The following DLG4 variants were observed in gnomAD, a reference collection of about 807,000 sequenced individuals.
DLG4 encodes the protein disks large homolog 4.
DLG4 carries 7 observed loss-of-function variants against 93.8 expected under a neutral mutation model. That is an observed-to-expected ratio of 0.07 (90% CI 0.04 to 0.14). The LOEUF is 0.14. Ranked by LOEUF, DLG4 falls within the 10% of genes least tolerant of loss-of-function variation. DLG4 has a pLI of 1.00. For synonymous variants in DLG4, 341 were observed against 387.6 expected (o/e 0.88, Z 1.41); for missense variants, 545 against 992.9 (o/e 0.55, Z 6.06).
chr17:7,208,057 G>A lies in DLG4; in HGVS notation c.96+117C>T. On this transcript the variant is annotated intron_variant, in intron 2 of 19. Coordinates refer to ENST00000399506, the MANE Select transcript of DLG4 (RefSeq NM_001321075.3). The surrounding 1 kb of genome is among the most constrained non-coding windows in gnomAD (Gnocchi z 5.4). The stretch of plus-strand genomic sequence containing the variant: ...CTCCGAGGGCCGCACTGGGGAGGGG[G>A]CCACCAGGGTCTCCTACCTTGAAGG... 1.5e-6 allele frequency: 2 copies of A among 1,303,368 alleles called. No homozygotes were observed. 80.7% of individuals were successfully genotyped at this position (1,303,368 alleles called of 1,614,324 possible).
upstream of DLG4, chr17:7,218,551 C>T: frequency 1.3e-6 from 2 of 1,560,956 alleles, no homozygotes; most frequent in Non-Finnish European, 8.7e-7. Context: ...CCAGCAAGGC[C>T]TGGAAGAGGT....
chr17:7,214,445 C>T (rs2070824130), intron 1 of DLG4, among the ~76,000 whole-genome samples: 1 of 152,188 alleles, frequency 6.6e-6, no homozygotes, highest in Admixed American at 6.5e-5. Context: ...CCACTTCCCG[C>T]CCGTTCGCTC....
In DLG4 at chr17:7,217,622, A is replaced by G; in HGVS notation, c.-475T>C. The stretch of plus-strand genomic sequence containing the variant: ...TGGAGCCGAAGAGGGAAGGGGAGAG[A>G]GGAGGAGAGAGGAAGCAGGGGGAGG... On this transcript the variant is annotated 5_prime_UTR_variant, in exon 1 of 20. Coordinates refer to ENST00000399506, the MANE Select transcript of DLG4 (RefSeq NM_001321075.3). 1 of 1,223,376 alleles carries G rather than the reference A, an allele frequency of 8.2e-7. No individual in the cohort carries two copies. The highest frequency in any genetic ancestry group is 1.1e-6 in the Non-Finnish European group (1 of 937,666). 75.8% of individuals were successfully genotyped at this position (1,223,376 alleles called of 1,614,324 possible).
In DLG4 at chr17:7,193,533, T is replaced by C; in HGVS notation, c.1643A>G (p.Asn548Ser). Residue 548 changes from asparagine to serine, a missense_variant, in exon 16 of 20, where the codon AAC becomes AGC. Asn to Ser is a conservative substitution (Grantham distance 46, BLOSUM62 1). Transcript: ENST00000399506. The surrounding 1 kb of genome is among the most constrained non-coding windows in gnomAD (Gnocchi z 6.7). ...IILGPTKDRANDDLLSEFPDK... is the reference protein window; with the variant it reads ...IILGPTKDRASDDLLSEFPDK... ...GGGGAACTCGGAGAGAAGATCATCG[T>C]TGGCGCGGTCCTTGGTGGGCCCAAG... The C allele has an allele frequency of 6.5e-7, 1 of 1,537,208 alleles. No individual in the cohort carries two copies. Among genetic ancestry groups the C allele is most frequent in the Non-Finnish European group, 8.7e-7 (1 of 1,148,600 alleles).
rs1209188355 is a variant in DLG4, at chr17:7,189,276, G to T, written c.*1432C>A. Among the ~76,000 whole-genome samples, 1 of 151,762 alleles carries T rather than the reference G, an allele frequency of 6.6e-6. No homozygotes were observed. Among genetic ancestry groups the T allele is most frequent in the African/African-American group, 2.4e-5 (1 of 41,302 alleles). ...GGAGGCTGAGGCGGGTGGATAACAAGGTCAGGAGTTCAAGACCAGCCTGAC... is the reference window on the plus strand; with the variant it reads ...GGAGGCTGAGGCGGGTGGATAACAATGTCAGGAGTTCAAGACCAGCCTGAC... On this transcript the variant is annotated 3_prime_UTR_variant, in exon 20 of 20. Coordinates refer to ENST00000399506, the MANE Select transcript of DLG4 (RefSeq NM_001321075.3).
chr17:7,202,568 C>T (rs2070200458), intron 8 of DLG4: 5 of 459,774 alleles, frequency 1.1e-5, no homozygotes, highest in Non-Finnish European at 1.9e-5. Flanking sequence ...TGTGACCATT[C>T]GAACTGGCCT....
rs746825626 is a variant in DLG4, at chr17:7,191,934, G to T, written c.1935C>A (p.Pro645=). The T allele has an allele frequency of 1.3e-6, 2 of 1,499,226 alleles. No individual in the cohort carries two copies. Among genetic ancestry groups the T allele is most frequent in the East Asian group, 5.0e-5 (2 of 40,146 alleles). 92.9% of individuals were successfully genotyped at this position (1,499,226 alleles called of 1,614,324 possible). A position where few individuals can be genotyped will look rare whatever the true frequency, so the allele number is the denominator to read the frequency against. The stretch of plus-strand genomic sequence containing the variant: ...AGCGGGGGCGGATGAAGATGGCGAT[G>T]GGGTGCAGGTGGGCCGCCTGCAGCC... ...VRRLQAAHLH[P]IAIFIRPRSL... The change falls in exon 18 of 20, where the codon CCC becomes CCA. Residue 645 remains proline, a synonymous_variant. Coordinates refer to ENST00000399506, the MANE Select transcript of DLG4 (RefSeq NM_001321075.3). This position sits in a 1 kb window ranked among gnomAD's most constrained non-coding sequence, Gnocchi z 6.6.
Position 7,217,052 on chromosome 17 carries a change from G to T in DLG4, c.30+66C>A, listed in dbSNP as rs547588664. 2.0e-5 allele frequency: 25 copies of T among 1,239,090 alleles called. No individual in the cohort carries two copies. In the African/African-American group the frequency reaches 3.1e-4, roughly 15 times the overall value. 76.8% of individuals were successfully genotyped at this position (1,239,090 alleles called of 1,614,324 possible). A position where few individuals can be genotyped will look rare whatever the true frequency, so the allele number is the denominator to read the frequency against. ...TCCAGGGGCGCCAGTCCCAGATAAG[G>T]CCTACTAACCCCTCCCCACAAACTC... On this transcript the variant is annotated intron_variant, in intron 1 of 19. Transcript: ENST00000399506.
chr17:7,191,256 T>TAGA lies in DLG4; in HGVS notation c.2068+10_2068+11insTCT. 6.2e-7 allele frequency: 1 copy of TAGA among 1,613,672 alleles called. No homozygotes were observed. Among genetic ancestry groups the TAGA allele is most frequent in the Non-Finnish European group, 8.5e-7 (1 of 1,179,694 alleles). ...CCCTACATGCTGGCAACAGCCTTGC[T>TAGA]GTGGCCTCACCTGAGAAGCACTCTG... is the stretch of plus-strand genomic sequence containing the variant. On this transcript the variant is annotated intron_variant, in intron 19 of 19. Coordinates refer to ENST00000399506, the MANE Select transcript of DLG4 (RefSeq NM_001321075.3). The surrounding 1 kb of genome is among the most constrained non-coding windows in gnomAD (Gnocchi z 6.6).
chr17:7,208,349 G>A lies in DLG4; in HGVS notation c.31-110C>T, dbSNP rs1006600784. The A allele has an allele frequency of 9.9e-7, 1 of 1,006,268 alleles. No individual in the cohort carries two copies. The highest frequency in any genetic ancestry group is 1.3e-6 in the Non-Finnish European group (1 of 755,786). The allele number at this position is 1,006,268 out of a possible 1,614,324, so 62.3% of individuals were successfully genotyped here. ...CAGCCAGTGCAGTGCGGAAGGCCCT[G>A]GGGCCTGACCAGCTCCTCCCCCTCC... On this transcript the variant is annotated intron_variant, in intron 1 of 19. Transcript: ENST00000399506. This position sits in a 1 kb window ranked among gnomAD's most constrained non-coding sequence, Gnocchi z 5.4.
At chr17:7,211,537 T>C (rs62059162) in intron 1 of DLG4, 3,092 of 249,432 alleles carry the variant, frequency 0.012, 27 homozygotes, top group Middle Eastern at 0.095. Context: ...CCACGAGAAG[T>C]TGCAACCCAG....
At chr17:7,197,711 C>T (rs2069870995) in intron 8 of DLG4, among the ~76,000 whole-genome samples, 1 of 152,116 alleles carries the variant, frequency 6.6e-6, no homozygotes, top group African/African-American at 2.4e-5. Flanking sequence ...TCTGGAACTT[C>T]TGAACTCAAA....
chr17:7,218,353 G>A (rs377212765), upstream of DLG4: 1,709 of 1,516,810 alleles, frequency 1.1e-3, 1 homozygote, highest in Non-Finnish European at 1.4e-3. Context: ...TGTCATCACC[G>A]CTGCTGGCTG....
At chr17:7,199,271 C>G (rs900040799) in intron 8 of DLG4, among the ~76,000 whole-genome samples, 1 of 151,868 alleles carries the variant, frequency 6.6e-6, no homozygotes, top group Non-Finnish European at 1.5e-5. Context: ...GCGATCTTGG[C>G]TCACTGCAAC....
At chr17:7,197,098 A>C (rs1275016010) in intron 8 of DLG4, 46 bp from the exon 9 acceptor site, 1 of 1,523,146 alleles carries the variant, frequency 6.6e-7, no homozygotes, top group South Asian at 1.3e-5. Flanking sequence ...GGGAAACAGC[A>C]CCCGCCACCC....
rs1304712290 is a variant in DLG4 at position 7,204,036 on chromosome 17, A to G, written c.182T>C (p.Met61Thr). The change falls in exon 4 of 20, where the codon ATG (methionine) becomes ACG (threonine). Residue 61 changes from methionine (M) to threonine (T), a missense_variant. Met to Thr is a moderately conservative substitution (Grantham distance 81, BLOSUM62 -1). Around this residue, in one of 5 missense-constraint regions of DLG4, gnomAD observed 49 missense variants for 80.4 expected, o/e 0.61. Coordinates refer to ENST00000399506, the MANE Select transcript of DLG4 (RefSeq NM_001321075.3). ...TTCCAATGTGATTTCCTCGTATTCC[A>G]TCTCCCCCTCGGTCCCGTTCACCTG... The part of the protein sequence containing the change: ...ELQVNGTEGE[M>T]EYEEITLERG... 1 of 1,611,010 alleles carries G rather than the reference A, an allele frequency of 6.2e-7. No individual in the cohort carries two copies. Among genetic ancestry groups the G allele is most frequent in the Non-Finnish European group, 8.5e-7 (1 of 1,178,660 alleles).
In DLG4 at chr17:7,192,969, C is replaced by A; in HGVS notation, c.1842G>T (p.Gln614His). The change falls in exon 17 of 20, where the codon CAG becomes CAT. Residue 614 changes from glutamine (Q) to histidine (H), a missense_variant. Around this residue, in one of 5 missense-constraint regions of DLG4, gnomAD observed 428 missense variants for 741.4 expected, o/e 0.58. Coordinates refer to ENST00000399506, the MANE Select transcript of DLG4 (RefSeq NM_001321075.3). Reference sequence around the variant, plus strand: ...CCTGCTCTGCCACCTCTCGCACGGACTGGACGCTGGTCCCATAGAGGTGGC... The same window carrying A: ...CCTGCTCTGCCACCTCTCGCACGGAATGGACGCTGGTCCCATAGAGGTGGC... ...YNSHLYGTSV[Q>H]SVREVAEQGK... The A allele has an allele frequency of 6.2e-7, 1 of 1,613,564 alleles. No individual in the cohort carries two copies. Among genetic ancestry groups the A allele is most frequent in the Non-Finnish European group, 8.5e-7 (1 of 1,179,646 alleles).
chr17:7,189,126 AAG>A lies in DLG4; in HGVS notation c.*1580_*1581del, dbSNP rs1491461273. 6.8e-6 allele frequency among the ~76,000 whole-genome samples: 1 copy of A among 146,344 alleles called. No individual in the cohort carries two copies. The highest frequency in any genetic ancestry group is 1.5e-5 in the Non-Finnish European group (1 of 66,990). ...AACTCTGTCTCAAAAAAAAAAAAAA[AAG>A]GGTGGGGGGGGCGCATAAAGAAACC... On this transcript the variant is annotated 3_prime_UTR_variant, in exon 20 of 20. Coordinates refer to ENST00000399506, the MANE Select transcript of DLG4 (RefSeq NM_001321075.3).
chr17:7,197,504 G>C (rs962442107), intron 8 of DLG4, among the ~76,000 whole-genome samples: 1 of 151,704 alleles, frequency 6.6e-6, no homozygotes, highest in Non-Finnish European at 1.5e-5. Flanking sequence ...TTGTTTTTTT[G>C]GGGTTTTTTT....
Sources: gnomAD v4.1 joint callset for allele counts (sites outside exome capture counted in the v4.1 genomes callset) on GRCh38, gnomAD v4.1.1 for gene constraint, gnomAD v4.1.1 regional missense constraint, Gnocchi (gnomAD v3.1) non-coding constraint, MANE v1.5 for transcripts, NCBI Gene and HGNC (gene_info 2026-07-23, HGNC 2026-07-21) for gene names.